The following ANGPT2 variants were observed in gnomAD, a reference collection of about 807,000 sequenced individuals.
The protein encoded by ANGPT2 is angiopoietin 2.
A neutral mutation model predicts 62.9 loss-of-function variants in ANGPT2; 28 were observed. The ratio of observed to expected loss-of-function variants is 0.44; its 90% CI spans 0.33 to 0.61. The LOEUF is 0.61. Among genes scored for constraint, ANGPT2 ranks in the 20% least tolerant of loss-of-function variants. The pLI, the probability that ANGPT2 is intolerant of heterozygous loss-of-function variation, is 0.03. For synonymous variants in ANGPT2, 284 were observed against 207.8 expected, an observed-to-expected ratio of 1.37 and a Z score of -3.15; for missense variants, 727 against 594.9, an observed-to-expected ratio of 1.22 and a Z score of -2.31.
At chr8:6,550,835 G>A (rs923538542) in intron 1 of ANGPT2, among the ~76,000 whole-genome samples, 3 of 152,162 alleles carry the variant, frequency 2.0e-5, no homozygotes, top group Admixed American at 1.3e-4. Context: ...AGCACATGGC[G>A]TGCACCTGAT....
rs372043345 is a variant in ANGPT2 at position 6,501,902 on chromosome 8, C to G, written c.*1199G>C. On this transcript the variant is annotated 3_prime_UTR_variant, in exon 9 of 9. Coordinates refer to ENST00000629816, the MANE Select transcript of ANGPT2 (RefSeq NM_001118887.2). ...AAATATTTAAATATATTATGAACAT[C>G]AGATTTTGTTTTTGCACTTTGAAAC... is the stretch of plus-strand genomic sequence containing the variant. 1.5e-4 allele frequency: 22 copies of G among 149,242 alleles called. No individual in the cohort carries two copies. Among genetic ancestry groups the G allele is most frequent in the Admixed American group, 2.7e-4 (4 of 14,912 alleles). 9.2% of individuals were successfully genotyped at this position (149,242 alleles called of 1,614,324 possible).
At chr8:6,545,167 C>A (rs1450925774) in intron 1 of ANGPT2, among the ~76,000 whole-genome samples, 1 of 152,002 alleles carries the variant, frequency 6.6e-6, no homozygotes, top group Non-Finnish European at 1.5e-5. Flanking sequence ...AGAATAATGT[C>A]TTCCGGGTGG....
rs779572963 is a variant in ANGPT2 at position 6,521,168 on chromosome 8, G to C, written c.799+10C>G. ...ATTAACGCTGAAGAAAGCATGATAT[G>C]TAAACTTACAGTTTGATGTGGACAT... On this transcript the variant is annotated intron_variant, in intron 4 of 8. Coordinates refer to ENST00000629816, the MANE Select transcript of ANGPT2 (RefSeq NM_001118887.2). The C allele has an allele frequency of 6.2e-7, 1 of 1,605,990 alleles. No individual in the cohort carries two copies. The highest frequency in any genetic ancestry group is 8.5e-7 in the Non-Finnish European group (1 of 1,173,410).
intron 3 of ANGPT2, among the ~76,000 whole-genome samples, chr8:6,522,105 C>T (rs1817463991): frequency 6.6e-6 from 1 of 152,196 alleles, no homozygotes; most frequent in African/African-American, 2.4e-5. Context: ...CTTGTAATCC[C>T]AGCACTTTGG....
chr8:6,529,340 G>T (rs1287885850), intron 2 of ANGPT2, among the ~76,000 whole-genome samples: 2 of 152,134 alleles, frequency 1.3e-5, no homozygotes, highest in Non-Finnish European at 2.9e-5. Flanking sequence ...GAAATTTTCA[G>T]ATTTGAATTT....
chr8:6,531,642 T>C (rs1169051740), intron 2 of ANGPT2, among the ~76,000 whole-genome samples: 1 of 152,194 alleles, frequency 6.6e-6, no homozygotes, highest in Non-Finnish European at 1.5e-5. Flanking sequence ...CACTAGCTCA[T>C]AGAATCTCAC....
rs139080338 is a variant in ANGPT2, at chr8:6,541,299, T to A, written c.289-8812A>T. The stretch of plus-strand genomic sequence containing the variant: ...AGAGAAAGTCAGTGCCCACCCCAAG[T>A]CTCATGGGCCCCAGGCTGTGGGCAG... On this transcript the variant is annotated intron_variant, in intron 1 of 8. Transcript: ENST00000629816. 6.1e-3 allele frequency among the ~76,000 whole-genome samples: 928 copies of A among 152,138 alleles called. 10 individuals carry two copies. Among genetic ancestry groups the A allele is most frequent in the African/African-American group, 0.022 (900 of 41,506 alleles).
chr8:6,546,670 G>GA (rs1488919901), intron 1 of ANGPT2, among the ~76,000 whole-genome samples: 1 of 152,102 alleles, frequency 6.6e-6, no homozygotes, highest in East Asian at 1.9e-4. Context: ...GATAAATAGA[G>GA]AAAAAATAGT....
chr8:6,520,023 G>A (rs773505391), intron 4 of ANGPT2, 32 bp from the exon 5 acceptor site: 10 of 1,607,838 alleles, frequency 6.2e-6, no homozygotes, highest in African/African-American at 1.3e-5. Flanking sequence ...GCATTTAAAC[G>A]GAGTTCATGA....
chr8:6,500,690 T>C lies in ANGPT2; in HGVS notation c.*2411A>G, dbSNP rs1811990618. 1.3e-5 allele frequency: 2 copies of C among 152,222 alleles called. No individual in the cohort carries two copies. Among genetic ancestry groups the C allele is most frequent in the Admixed American group, 6.5e-5 (1 of 15,282 alleles). 9.4% of individuals were successfully genotyped at this position (152,222 alleles called of 1,614,324 possible). On this transcript the variant is annotated 3_prime_UTR_variant, in exon 9 of 9. Coordinates refer to ENST00000629816, the MANE Select transcript of ANGPT2 (RefSeq NM_001118887.2). Reference sequence around the variant, plus strand: ...TTTTTAAGATTACTGTTTGATTTCCTTTCAGCTTTATAAACATTTTCTTAA... The same window carrying C: ...TTTTTAAGATTACTGTTTGATTTCCCTTCAGCTTTATAAACATTTTCTTAA...
chr8:6,514,079 A>G (rs973102853), intron 6 of ANGPT2, among the ~76,000 whole-genome samples: 3 of 152,308 alleles, frequency 2.0e-5, no homozygotes, highest in African/African-American at 7.2e-5. Flanking sequence ...CTACTTGGGG[A>G]GCCACCAGCA....
At chr8:6,509,887 G>C (rs577084686) in intron 7 of ANGPT2, among the ~76,000 whole-genome samples, 1 of 152,296 alleles carries the variant, frequency 6.6e-6, no homozygotes, top group South Asian at 2.1e-4. Flanking sequence ...GGGATCACAG[G>C]ACTGACTGGG....
chr8:6,562,979 AAC>A lies in ANGPT2; in HGVS notation c.-47_-46del. ...CAGCAGCTTAGCAAACTTGAGGGCA[AAC>A]ACACGTCCAGAGTCCCGAGCTGCTG... On this transcript the variant is annotated 5_prime_UTR_variant, in exon 1 of 9. Transcript: ENST00000629816. 1 of 1,545,508 alleles carries A rather than the reference AAC, an allele frequency of 6.5e-7. No individual in the cohort carries two copies. Among genetic ancestry groups the A allele is most frequent in the Non-Finnish European group, 8.8e-7 (1 of 1,138,614 alleles).
chr8:6,553,645 A>G (rs1204425049), intron 1 of ANGPT2, among the ~76,000 whole-genome samples: 1 of 151,676 alleles, frequency 6.6e-6, no homozygotes, highest in Non-Finnish European at 1.5e-5. Flanking sequence ...CAGAAACAAA[A>G]TCCCTGAAAT....
chr8:6,542,004 T>C (rs1278825856), intron 1 of ANGPT2, among the ~76,000 whole-genome samples: 1 of 126,524 alleles, frequency 7.9e-6, no homozygotes, highest in East Asian at 2.3e-4. Flanking sequence ...TGAGACTCAA[T>C]CTCAAAAAAA....
At chr8:6,547,319 A>G (rs890511186) in intron 1 of ANGPT2, among the ~76,000 whole-genome samples, 3 of 152,162 alleles carry the variant, frequency 2.0e-5, no homozygotes, top group South Asian at 4.2e-4. Flanking sequence ...TCATTTTCCC[A>G]TAATTAGTTT....
At chr8:6,527,424 C>G (rs952619911) in intron 3 of ANGPT2, 131 bp downstream of exon 3, 14 of 1,113,358 alleles carry the variant, frequency 1.3e-5, no homozygotes, top group African/African-American at 4.7e-5. Context: ...CTTCTCCTCC[C>G]TCATGAGGTT....
chr8:6,531,293 C>CTTT, intron 2 of ANGPT2, among the ~76,000 whole-genome samples: 1 of 142,402 alleles, frequency 7.0e-6, no homozygotes, highest in South Asian at 2.3e-4. Flanking sequence ...TTCTTTCTTT[C>CTTT]TTTTTTTTTT....
At chr8:6,542,325 TGTA>T (rs1821753853) in intron 1 of ANGPT2, among the ~76,000 whole-genome samples, 1 of 152,158 alleles carries the variant, frequency 6.6e-6, no homozygotes, top group South Asian at 2.1e-4. Context: ...TGTGTGTGTG[TGTA>T]TGTATGTGTG....
Sources: allele counts gnomAD v4.1 joint callset (sites outside exome capture counted in the v4.1 genomes callset), GRCh38; gene constraint gnomAD v4.1.1; transcripts MANE v1.5; gene names NCBI Gene and HGNC (gene_info 2026-07-23, HGNC 2026-07-21).